RFX7: variants seen among roughly 807,000 people sequenced by gnomAD.
RFX7 encodes regulatory factor X7, also known as DNA-binding protein RFX7.
A neutral mutation model predicts 111.8 loss-of-function variants in RFX7; 26 were observed. The ratio of observed to expected loss-of-function variants is 0.23; its 90% CI spans 0.17 to 0.32. RFX7 has a LOEUF of 0.32. Ranked by LOEUF, RFX7 falls within the 10% of genes least tolerant of loss-of-function variation. The pLI, the probability that RFX7 is intolerant of heterozygous loss-of-function variation, is 1.00. For missense variants in RFX7, 1,573 were observed against 1,772.9 expected, an observed-to-expected ratio of 0.89 and a Z score of 2.02; for synonymous variants, 624 against 624.4, an observed-to-expected ratio of 1.00 and a Z score of 0.01.
intron 3 of RFX7, among the ~76,000 whole-genome samples, chr15:56,166,117 G>C (rs565201523): frequency 6.6e-6 from 1 of 152,266 alleles, no homozygotes; most frequent in Admixed American, 6.5e-5. Flanking sequence ...GCTCAGGCTA[G>C]TCTCAAATTC....
At position 56,090,595 on chromosome 15, in the gene RFX7, C is replaced by T. The variant is rs545399330; in HGVS notation, c.*2750G>A. The T allele has an allele frequency of 6.6e-6, 1 of 152,618 alleles. No individual in the cohort carries two copies. Among genetic ancestry groups the T allele is most frequent in the East Asian group, 1.9e-4 (1 of 5,192 alleles). The allele number at this position is 152,618 out of a possible 1,614,324, so 9.5% of individuals were successfully genotyped here. ...ACATTTAAAAAACAATTTTTGAGCACTTTAATAAAAAAAGAGAACTGAAAT... is the reference window on the plus strand; with the variant it reads ...ACATTTAAAAAACAATTTTTGAGCATTTTAATAAAAAAAGAGAACTGAAAT... On this transcript the variant is annotated 3_prime_UTR_variant, in exon 10 of 10. Transcript: ENST00000559447.
At chr15:56,243,908 C>A (rs1324546396), upstream of RFX7, 7 of 149,264 alleles carry the variant, frequency 4.7e-5, no homozygotes, top group Non-Finnish European at 1.0e-4. Context: ...GACCGCACAA[C>A]ACCTACCGCT....
rs991181778 is a variant in RFX7, at chr15:56,217,692, T to C, written c.161+25433A>G. ...CTAGTTATGAAGTCTGACTACACAT[T>C]AGCTGAAGTGCATGATATGTACAAT... On this transcript the variant is annotated intron_variant, in intron 2 of 9. Transcript: ENST00000559447. Among the ~76,000 whole-genome samples the C allele has an allele frequency of 1.9e-4, 29 of 152,204 alleles. 1 individual carries two copies. The highest frequency in any genetic ancestry group is 6.5e-4 in the African/African-American group (27 of 41,470).
intron 2 of RFX7, among the ~76,000 whole-genome samples, chr15:56,229,517 G>A (rs2043525685): frequency 6.6e-6 from 1 of 152,060 alleles, no homozygotes; most frequent in African/African-American, 2.4e-5. Flanking sequence ...CGCCTGTCTT[G>A]GCCTCCCAAA....
intron 2 of RFX7, among the ~76,000 whole-genome samples, chr15:56,234,990 T>C (rs965320381): frequency 3.3e-5 from 5 of 152,182 alleles, no homozygotes; most frequent in Non-Finnish European, 7.4e-5. Context: ...TGAGACATGT[T>C]TCACAAGCTG....
intron 3 of RFX7, among the ~76,000 whole-genome samples, chr15:56,150,750 G>A (rs1384500473): frequency 6.6e-6 from 1 of 151,910 alleles, no homozygotes; most frequent in Non-Finnish European, 1.5e-5. Flanking sequence ...TTCAGAAGGT[G>A]GGTAATAACG....
At chr15:56,103,890 T>C (rs1304521776) in intron 5 of RFX7, among the ~76,000 whole-genome samples, 3 of 152,186 alleles carry the variant, frequency 2.0e-5, no homozygotes, top group Non-Finnish European at 4.4e-5. Context: ...TTCAATAACA[T>C]TCATAAATCT....
rs143275031 is a variant in RFX7, at chr15:56,148,550, C to T, written c.196-4067G>A. On this transcript the variant is annotated intron_variant, in intron 3 of 9. Transcript: ENST00000559447. ...GGACTTTGGTGTTTGAATCCTGCCA[C>T]GCAACCCCCTTCCCTTCTAAAACTT... is the stretch of plus-strand genomic sequence containing the variant. Among the ~76,000 whole-genome samples, 168 of 152,240 alleles carry T rather than the reference C, an allele frequency of 1.1e-3. No homozygotes were observed. The East Asian group carries it at 0.014, about 13-fold the overall frequency.
chr15:56,157,615 C>G (rs111651426), intron 3 of RFX7, among the ~76,000 whole-genome samples: 2 of 152,236 alleles, frequency 1.3e-5, no homozygotes, highest in Admixed American at 1.3e-4. Context: ...GAGTCTTGCT[C>G]TCTTGCCCAG....
At chr15:56,110,452 C>T (rs1319890693) in intron 5 of RFX7, among the ~76,000 whole-genome samples, 1 of 133,720 alleles carries the variant, frequency 7.5e-6, no homozygotes, top group South Asian at 2.4e-4. Context: ...CCGCCCCATC[C>T]GGGAGGCGAG....
At chr15:56,112,184 G>GACTC (rs1464713096) in intron 5 of RFX7, among the ~76,000 whole-genome samples, 1 of 151,368 alleles carries the variant, frequency 6.6e-6, no homozygotes, top group African/African-American at 2.4e-5. Context: ...GAAAACTGAG[G>GACTC]ACTCAGAAAT....
intron 2 of RFX7, among the ~76,000 whole-genome samples, chr15:56,213,322 G>A (rs2043331058): frequency 6.6e-6 from 1 of 152,114 alleles, no homozygotes; most frequent in Non-Finnish European, 1.5e-5. Context: ...GTTAAACTGT[G>A]ATATATCCAT....
intron 2 of RFX7, among the ~76,000 whole-genome samples, chr15:56,195,280 A>T (rs755529804): frequency 6.6e-5 from 10 of 152,146 alleles, no homozygotes; most frequent in Non-Finnish European, 1.2e-4. Flanking sequence ...TGCTTAATGC[A>T]TATTCCTTTT....
chr15:56,145,087 A>G (rs2141031108), intron 3 of RFX7, among the ~76,000 whole-genome samples: 1 of 152,336 alleles, frequency 6.6e-6, no homozygotes, highest in South Asian at 2.1e-4. Context: ...GTAGCTATTT[A>G]GAGAATCTAC....
rs566521285 is a variant in RFX7 at position 56,147,097 on chromosome 15, A to G, written c.196-2614T>C. On this transcript the variant is annotated intron_variant, in intron 3 of 9. Coordinates refer to ENST00000559447, the MANE Select transcript of RFX7 (RefSeq NM_022841.7). ...GATATGCTTTATGACAATTTAAATG[A>G]TAAGAATTAAAAGTTTTCTGTTCTA... Among the ~76,000 whole-genome samples, 3 of 152,370 alleles carry G rather than the reference A, an allele frequency of 2.0e-5. No homozygotes were observed. The South Asian group carries it at 6.2e-4, about 32-fold the overall frequency.
chr15:56,118,377 C>T (rs537278484), intron 5 of RFX7, among the ~76,000 whole-genome samples: 68 of 152,208 alleles, frequency 4.5e-4, no homozygotes, highest in Admixed American at 3.5e-3. Flanking sequence ...AACCATCATC[C>T]TACTGTATCT....
chr15:56,209,274 T>A (rs569292327), intron 2 of RFX7, among the ~76,000 whole-genome samples: 1 of 150,142 alleles, frequency 6.7e-6, no homozygotes, highest in African/African-American at 2.4e-5. Flanking sequence ...AGTGAAACAC[T>A]CGAGAGTGTC....
chr15:56,112,164 T>C (rs2041945370), intron 5 of RFX7, among the ~76,000 whole-genome samples: 1 of 151,626 alleles, frequency 6.6e-6, no homozygotes, highest in African/African-American at 2.4e-5. Flanking sequence ...CCTTTTCATT[T>C]GGCAGATGAG....
At chr15:56,215,418 G>A (rs79096665) in intron 2 of RFX7, among the ~76,000 whole-genome samples, 19,844 of 152,114 alleles carry the variant, frequency 0.13, 1,699 homozygotes, top group East Asian at 0.44. Context: ...CAGATATTCA[G>A]TGTTATTTAT....
Sources: allele counts gnomAD v4.1 joint callset (sites outside exome capture counted in the v4.1 genomes callset), GRCh38; gene constraint gnomAD v4.1.1; transcripts MANE v1.5; gene names NCBI Gene and HGNC (gene_info 2026-07-23, HGNC 2026-07-21).